Variants in FHIT observed in about 807,000 individuals in gnomAD.
FHIT encodes the protein bis(5'-adenosyl)-triphosphatase.
Under a neutral mutation model 17.9 loss-of-function variants are expected in FHIT, and 19 were observed. The ratio of observed to expected loss-of-function variants is 1.06; its 90% CI spans 0.74 to 1.56. FHIT has a LOEUF of 1.56. FHIT is among the 40% of genes most tolerant of loss of function. FHIT has a pLI of 0.00. For missense variants in FHIT, 248 were observed against 189.2 expected, an observed-to-expected ratio of 1.31 and a Z score of -1.82; for synonymous variants, 81 against 69.7, an observed-to-expected ratio of 1.16 and a Z score of -0.81.
At chr3:59,756,815 T>C (rs1402579959) in intron 8 of FHIT, among the ~76,000 whole-genome samples, 1 of 152,208 alleles carries the variant, frequency 6.6e-6, no homozygotes, top group Non-Finnish European at 1.5e-5. Flanking sequence ...ATGGTCTTAT[T>C]GCACGGAATG....
chr3:59,967,534 G>T (rs1418888544), intron 7 of FHIT, among the ~76,000 whole-genome samples: 1 of 152,138 alleles, frequency 6.6e-6, no homozygotes, highest in East Asian at 1.9e-4. Context: ...CATACATGCG[G>T]TCTGTGGTTG....
intron 5 of FHIT, among the ~76,000 whole-genome samples, chr3:60,173,525 C>A (rs986007147): frequency 2.0e-5 from 3 of 152,048 alleles, no homozygotes; most frequent in South Asian, 4.1e-4. Context: ...AATGTACAAC[C>A]TTTTCTCTGC....
intron 4 of FHIT, among the ~76,000 whole-genome samples, chr3:60,775,012 A>C (rs1700173185): frequency 6.6e-6 from 1 of 152,230 alleles, no homozygotes; most frequent in Admixed American, 6.5e-5. Flanking sequence ...TACTATGCCC[A>C]TCTTTATAAA....
intron 7 of FHIT, among the ~76,000 whole-genome samples, chr3:59,959,717 A>G (rs1707575134): frequency 6.6e-6 from 1 of 152,244 alleles, no homozygotes; most frequent in Non-Finnish European, 1.5e-5. Flanking sequence ...TTCACAGTCT[A>G]ATGAAAGCAC....
chr3:60,536,256 A>G (rs1376858415), intron 5 of FHIT: 1 of 152,198 alleles, frequency 6.6e-6, no homozygotes, highest in East Asian at 1.9e-4. Flanking sequence ...AGGGAAATAA[A>G]ACAACTCCAC....
At chr3:60,197,292 T>G (rs951981333) in intron 5 of FHIT, among the ~76,000 whole-genome samples, 1 of 152,076 alleles carries the variant, frequency 6.6e-6, no homozygotes, top group African/African-American at 2.4e-5. Context: ...ACACACAAGA[T>G]TTCATAGCAT....
At chr3:61,233,784 C>A (rs779019089) in intron 1 of FHIT, among the ~76,000 whole-genome samples, 4 of 152,178 alleles carry the variant, frequency 2.6e-5, no homozygotes, top group South Asian at 2.1e-4. Flanking sequence ...CCTCTCACCC[C>A]CTCCTGACTC....
At chr3:61,000,937 T>C (rs2031036773) in intron 3 of FHIT, among the ~76,000 whole-genome samples, 1 of 151,088 alleles carries the variant, frequency 6.6e-6, no homozygotes, top group Non-Finnish European at 1.5e-5. Flanking sequence ...CTATCTACAG[T>C]ATATAAATAA....
chr3:61,174,771 T>A (rs2038108359), intron 2 of FHIT, among the ~76,000 whole-genome samples: 1 of 152,242 alleles, frequency 6.6e-6, no homozygotes, highest in Admixed American at 6.5e-5. Context: ...TTGAAAATGT[T>A]GTAGCTACAT....
At chr3:61,053,515 G>A (rs766655835) in intron 2 of FHIT, among the ~76,000 whole-genome samples, 52 of 152,126 alleles carry the variant, frequency 3.4e-4, no homozygotes, top group Admixed American at 1.8e-3. Context: ...AAAATTAGCC[G>A]GGTGTGGTGG....
chr3:61,153,147 A>G (rs892274488), intron 2 of FHIT, among the ~76,000 whole-genome samples: 2 of 151,620 alleles, frequency 1.3e-5, no homozygotes, highest in Non-Finnish European at 2.9e-5. Context: ...CATCTCAAAA[A>G]AAAAAAAAAA....
At chr3:61,103,259 G>C (rs920305177) in intron 2 of FHIT, among the ~76,000 whole-genome samples, 3 of 152,092 alleles carry the variant, frequency 2.0e-5, no homozygotes, top group Admixed American at 6.5e-5. Flanking sequence ...TTGTGTCTTT[G>C]TTCTCATTGG....
intron 5 of FHIT, among the ~76,000 whole-genome samples, chr3:60,353,195 A>G (rs1031886562): frequency 1.3e-5 from 2 of 152,092 alleles, no homozygotes; most frequent in Non-Finnish European, 2.9e-5. Flanking sequence ...AAAAATTCAG[A>G]CCCATTTACC....
chr3:60,123,970 ATATAT>A (rs1559653300), intron 5 of FHIT, among the ~76,000 whole-genome samples: 14 of 18,396 alleles, frequency 7.6e-4, no homozygotes, highest in East Asian at 5.5e-3. Context: ...CACTAAAAAT[ATATAT>A]ATATATATAT....
intron 5 of FHIT, among the ~76,000 whole-genome samples, chr3:60,446,963 T>G (rs1442721768): frequency 6.6e-6 from 1 of 151,958 alleles, no homozygotes; most frequent in Non-Finnish European, 1.5e-5. Flanking sequence ...TTGGTTCCTC[T>G]GAATCCTGGC....
chr3:60,176,544 T>C (rs532187410), intron 5 of FHIT, among the ~76,000 whole-genome samples: 33 of 152,300 alleles, frequency 2.2e-4, no homozygotes, highest in Admixed American at 9.8e-4. Flanking sequence ...CTGTGTGATA[T>C]ATAAACAAAC....
At chr3:60,494,487 T>C (rs2107508401) in intron 5 of FHIT, among the ~76,000 whole-genome samples, 1 of 152,304 alleles carries the variant, frequency 6.6e-6, no homozygotes, top group African/African-American at 2.4e-5. Context: ...ATTATACTCT[T>C]AGTTATTTCA....
chr3:60,727,214 G>A (rs1553709794), intron 4 of FHIT, among the ~76,000 whole-genome samples: 1 of 151,910 alleles, frequency 6.6e-6, no homozygotes, highest in Non-Finnish European at 1.5e-5. Context: ...TTAAAGCTCA[G>A]AATGTAATAA....
At chr3:59,986,753 T>TATATATAAATATATTTATATAA in intron 7 of FHIT, among the ~76,000 whole-genome samples, 2 of 734 alleles carry the variant, frequency 2.7e-3, no homozygotes, top group Non-Finnish European at 5.4e-3. Flanking sequence ...TATTTATATA[T>TATATATAAATATATTTATATAA]ATATAAATAT....
Sources: gnomAD v4.1 joint callset for allele counts (sites outside exome capture counted in the v4.1 genomes callset) on GRCh38, gnomAD v4.1.1 for gene constraint, MANE v1.5 for transcripts, NCBI Gene and HGNC (gene_info 2026-07-23, HGNC 2026-07-21) for gene names.